The following KCNQ3 variants were observed in gnomAD, a reference collection of about 807,000 sequenced individuals.
KCNQ3 encodes potassium voltage-gated channel subfamily KQT member 3.
In KCNQ3, 30 loss-of-function variants were observed where a neutral mutation model predicts 92.5. The observed-to-expected ratio is 0.32, with a 90% CI of 0.24 to 0.44. The LOEUF (loss-of-function observed/expected upper bound fraction) is 0.44. Ranked by LOEUF, KCNQ3 falls within the 20% of genes least tolerant of loss-of-function variation. KCNQ3 has a pLI of 1.00. For synonymous variants in KCNQ3, 450 were observed against 468.8 expected, an observed-to-expected ratio of 0.96 and a Z score of 0.52; for missense variants, 913 against 1,140.3, an observed-to-expected ratio of 0.80 and a Z score of 2.87.
chr8:132,287,858 A>G (rs1380746296), intron 1 of KCNQ3, among the ~76,000 whole-genome samples: 1 of 152,192 alleles, frequency 6.6e-6, no homozygotes, highest in African/African-American at 2.4e-5. Context: ...TTTTGTAACT[A>G]GATAGAGGTG....
chr8:132,460,731 AAAT>A (rs1439210522), intron 1 of KCNQ3, among the ~76,000 whole-genome samples: 1 of 152,166 alleles, frequency 6.6e-6, no homozygotes, highest in Admixed American at 6.5e-5. Flanking sequence ...GTGACCTCCT[AAAT>A]AATTTTTTAA....
At chr8:132,214,071 G>T (rs1032397850) in intron 1 of KCNQ3, among the ~76,000 whole-genome samples, 2 of 152,136 alleles carry the variant, frequency 1.3e-5, no homozygotes, top group African/African-American at 4.8e-5. Context: ...AGAGCAAGGA[G>T]GCAGTAAAAA....
At chr8:132,439,797 AC>A (rs774663873) in intron 1 of KCNQ3, among the ~76,000 whole-genome samples, 143 of 152,240 alleles carry the variant, frequency 9.4e-4, no homozygotes, top group Non-Finnish European at 1.5e-3. Context: ...ACCTTGTTTT[AC>A]CCCAGTGAGA....
intron 1 of KCNQ3, among the ~76,000 whole-genome samples, chr8:132,293,172 T>C (rs1485926440): frequency 6.6e-6 from 1 of 152,060 alleles, no homozygotes; most frequent in Non-Finnish European, 1.5e-5. Context: ...TCCTTTGTAA[T>C]ATCCATATAA....
chr8:132,247,043 A>T (rs760083380), intron 1 of KCNQ3, among the ~76,000 whole-genome samples: 2 of 152,212 alleles, frequency 1.3e-5, no homozygotes, highest in Non-Finnish European at 2.9e-5. Flanking sequence ...AACACCTGAT[A>T]GTCTCTCTAT....
chr8:132,389,052 T>C (rs907306321), intron 1 of KCNQ3, among the ~76,000 whole-genome samples: 1 of 152,242 alleles, frequency 6.6e-6, no homozygotes, highest in East Asian at 1.9e-4. Flanking sequence ...TCCAGTTTGA[T>C]AGTAGACTTC....
chr8:132,376,395 C>T (rs1442956953), intron 1 of KCNQ3, among the ~76,000 whole-genome samples: 1 of 152,170 alleles, frequency 6.6e-6, no homozygotes, highest in Non-Finnish European at 1.5e-5. Context: ...TAACTAAGTG[C>T]TTCCGTACAG....
At chr8:132,288,633 C>G (rs996887414) in intron 1 of KCNQ3, among the ~76,000 whole-genome samples, 4 of 152,194 alleles carry the variant, frequency 2.6e-5, no homozygotes, top group Non-Finnish European at 5.9e-5. Context: ...TTCCACTTCT[C>G]TACTCCCAAA....
intron 1 of KCNQ3, chr8:132,447,200 C>T: frequency 6.5e-7 from 1 of 1,535,312 alleles, no homozygotes; most frequent in South Asian, 1.2e-5. Context: ...CAAAGACTTA[C>T]ATCGTGGCGT....
intron 8 of KCNQ3, 26 bp downstream of exon 8, chr8:132,170,308 G>A (rs774377988): frequency 7.2e-6 from 11 of 1,535,482 alleles, no homozygotes; most frequent in Non-Finnish European, 9.0e-6. Context: ...GTCACGCCCT[G>A]AGCATTCAGG....
At chr8:132,131,886 G>A (rs1318101804) in intron 14 of KCNQ3, among the ~76,000 whole-genome samples, 1 of 151,986 alleles carries the variant, frequency 6.6e-6, no homozygotes, top group Non-Finnish European at 1.5e-5. Context: ...TCAGGAGTTC[G>A]AGACCAGCCT....
intron 1 of KCNQ3, among the ~76,000 whole-genome samples, chr8:132,192,410 C>A (rs1189077395): frequency 1.3e-5 from 2 of 152,148 alleles, no homozygotes; most frequent in African/African-American, 4.8e-5. Flanking sequence ...AGACGGAGAC[C>A]ACGTTATCAG....
At chr8:132,264,496 G>A (rs1815914295) in intron 1 of KCNQ3, among the ~76,000 whole-genome samples, 1 of 152,218 alleles carries the variant, frequency 6.6e-6, no homozygotes, top group African/African-American at 2.4e-5. Flanking sequence ...GGCCTATTGG[G>A]AGAATCAACA....
intron 1 of KCNQ3, among the ~76,000 whole-genome samples, chr8:132,207,169 T>C (rs1813686965): frequency 1.3e-5 from 2 of 152,322 alleles, no homozygotes; most frequent in South Asian, 4.1e-4. Flanking sequence ...TTATAATAAG[T>C]CTTTGGAATT....
chr8:132,319,882 C>T (rs945454850), intron 1 of KCNQ3, among the ~76,000 whole-genome samples: 12 of 152,214 alleles, frequency 7.9e-5, no homozygotes, highest in African/African-American at 4.8e-5. Flanking sequence ...GAAGTGTCTA[C>T]TATGGCAGAC....
At chr8:132,213,071 T>A (rs970704724) in intron 1 of KCNQ3, among the ~76,000 whole-genome samples, 41 of 152,302 alleles carry the variant, frequency 2.7e-4, no homozygotes, top group East Asian at 2.1e-3. Flanking sequence ...CTTTTTTTTT[T>A]AAATATTATT....
chr8:132,480,667 C>A lies in KCNQ3; in HGVS notation c.-135G>T. 1.1e-6 allele frequency: 1 copy of A among 940,578 alleles called. No homozygotes were observed. Among genetic ancestry groups the A allele is most frequent in the Non-Finnish European group, 1.3e-6 (1 of 777,736 alleles). 58.3% of individuals were successfully genotyped at this position (940,578 alleles called of 1,614,324 possible). ...CAATGCCATGATCCGCGCGCCCCTC[C>A]CCACCCCCCCCCAAAAGCAGGCAAA... On this transcript the variant is annotated 5_prime_UTR_variant, in exon 1 of 15. Transcript: ENST00000388996.
chr8:132,188,089 C>A (rs952426467), intron 1 of KCNQ3, among the ~76,000 whole-genome samples: 1 of 152,070 alleles, frequency 6.6e-6, no homozygotes, highest in African/African-American at 2.4e-5. Context: ...GTAAAATGAC[C>A]AGAAAGCTTG....
At chr8:132,275,865 C>G (rs904499958) in intron 1 of KCNQ3, among the ~76,000 whole-genome samples, 6 of 151,882 alleles carry the variant, frequency 4.0e-5, no homozygotes, top group Non-Finnish European at 7.4e-5. Context: ...GTGTGAGCCA[C>G]TGTGCCAGCC....
Sources: allele counts gnomAD v4.1 joint callset (sites outside exome capture counted in the v4.1 genomes callset), GRCh38; gene constraint gnomAD v4.1.1; transcripts MANE v1.5; gene names NCBI Gene and HGNC (gene_info 2026-07-23, HGNC 2026-07-21).